Variants in DCAF6 observed in about 807,000 individuals in gnomAD.
DCAF6 encodes the protein DDB1- and CUL4-associated factor 6.
A neutral mutation model predicts 125.1 loss-of-function variants in DCAF6; 54 were observed. The observed-to-expected ratio is 0.43, with a 90% CI of 0.35 to 0.54. DCAF6 has a LOEUF of 0.54. Among genes scored for constraint, DCAF6 ranks in the 20% least tolerant of loss-of-function variants. DCAF6 has a pLI of 0.01. For synonymous variants in DCAF6, 371 were observed against 390.4 expected, an observed-to-expected ratio of 0.95 and a Z score of 0.58; for missense variants, 934 against 1,161.7, an observed-to-expected ratio of 0.80 and a Z score of 2.85.
chr1:167,958,607 A>C (rs1360108791), intron 2 of DCAF6, among the ~76,000 whole-genome samples: 3 of 152,194 alleles, frequency 2.0e-5, no homozygotes. Flanking sequence ...TGAACACTAA[A>C]TAAATTCAAA....
At chr1:168,066,182 A>T (rs946512546) in intron 19 of DCAF6, among the ~76,000 whole-genome samples, 195 bp from the exon 20 acceptor site, 1 of 152,228 alleles carries the variant, frequency 6.6e-6, no homozygotes, top group Non-Finnish European at 1.5e-5. Flanking sequence ...AGTGACTTCA[A>T]CATGGTATTA....
chr1:167,940,405 T>C (rs1364651469), intron 1 of DCAF6, among the ~76,000 whole-genome samples: 1 of 152,012 alleles, frequency 6.6e-6, no homozygotes, highest in Non-Finnish European at 1.5e-5. Context: ...GAGGCAGGGT[T>C]TTGCTCTGTC....
chr1:167,888,986 G>A, the DCAF6 span, among the ~76,000 whole-genome samples: 1,924 of 152,020 alleles, frequency 0.013, 40 homozygotes, highest in African/African-American at 0.044. Context: ...GTTTTTTGGT[G>A]GAGTCTTTAG....
At chr1:168,011,111 A>ATTTTTTTTT (rs370763073) in intron 10 of DCAF6, among the ~76,000 whole-genome samples, 1 of 110,360 alleles carries the variant, frequency 9.1e-6, no homozygotes, top group African/African-American at 3.6e-5. Context: ...GACCATCAGA[A>ATTTTTTTTT]TTTTTTTTTT....
At chr1:167,944,187 T>G (rs1672707003) in intron 1 of DCAF6, among the ~76,000 whole-genome samples, 1 of 152,220 alleles carries the variant, frequency 6.6e-6, no homozygotes, top group Non-Finnish European at 1.5e-5. Flanking sequence ...ATTGTGTATA[T>G]ATACCACATT....
At position 167,991,243 on chromosome 1, in the gene DCAF6, G is replaced by C; in HGVS notation, c.592G>C (p.Ala198Pro). 1 of 1,612,740 alleles carries C rather than the reference G, an allele frequency of 6.2e-7. No individual in the cohort carries two copies. Among genetic ancestry groups the C allele is most frequent in the Non-Finnish European group, 8.5e-7 (1 of 1,179,760 alleles). ...CTGTCGACGTGCTGCCACGTCTGTTGCTATTTGCCCACCAATACCATATTA... is the reference window on the plus strand; with the variant it reads ...CTGTCGACGTGCTGCCACGTCTGTTCCTATTTGCCCACCAATACCATATTA... ...INCRRAATSV[A>P]ICPPIPYYLA... Residue 198 changes from alanine (A) to proline (P), a missense_variant, in exon 6 of 22, where the codon GCT becomes CCT. Around this residue, in one of 5 missense-constraint regions of DCAF6, gnomAD observed 309 missense variants for 381.2 expected, o/e 0.81. Coordinates refer to ENST00000367840, the MANE Select transcript of DCAF6 (RefSeq NM_001198956.2).
the DCAF6 span, chr1:167,920,745 T>C: frequency 1.0e-5 from 10 of 999,380 alleles, no homozygotes; most frequent in South Asian, 2.0e-4. Flanking sequence ...AGCTATAATT[T>C]TAGTGTCCAT....
At chr1:167,907,258 C>T in the DCAF6 span, among the ~76,000 whole-genome samples, 1 of 152,212 alleles carries the variant, frequency 6.6e-6, no homozygotes, top group Non-Finnish European at 1.5e-5. Context: ...CCAGAAAACA[C>T]AGACCAGTAA....
chr1:167,916,043 A>G, the DCAF6 span, among the ~76,000 whole-genome samples: 395 of 143,720 alleles, frequency 2.7e-3, 2 homozygotes, highest in African/African-American at 0.011. Context: ...CAACTCAACT[A>G]TACTAATCGA....
At chr1:168,012,747 A>G (rs536180285) in intron 10 of DCAF6, among the ~76,000 whole-genome samples, 2 of 152,326 alleles carry the variant, frequency 1.3e-5, no homozygotes, top group Middle Eastern at 3.4e-3. Context: ...TCCAAGGAGA[A>G]AAAAGCCACC....
chr1:167,917,593 GTCTC>G, the DCAF6 span: 1 of 113,474 alleles, frequency 8.8e-6, no homozygotes, highest in African/African-American at 3.3e-5. Context: ...GCGAGACCCT[GTCTC>G]AAAAAAAAAA....
chr1:167,958,695 A>G (rs1056821944), intron 2 of DCAF6, among the ~76,000 whole-genome samples: 4 of 152,210 alleles, frequency 2.6e-5, no homozygotes, highest in Non-Finnish European at 5.9e-5. Flanking sequence ...TTACTAAATG[A>G]CAGTCAATAT....
chr1:167,996,904 A>G (rs191739807), intron 7 of DCAF6, among the ~76,000 whole-genome samples: 205 of 152,198 alleles, frequency 1.3e-3, no homozygotes, highest in African/African-American at 4.6e-3. Flanking sequence ...CCTATTTAAA[A>G]TCACGGCCTT....
chr1:168,029,144 A>G (rs533035406), intron 12 of DCAF6, among the ~76,000 whole-genome samples: 12 of 151,944 alleles, frequency 7.9e-5, no homozygotes, highest in Non-Finnish European at 5.9e-5. Flanking sequence ...CGTGTGTTCT[A>G]CTCTTCTGCT....
chr1:167,951,309 T>C lies in DCAF6; in HGVS notation c.98-491T>C, dbSNP rs139414177. Among the ~76,000 whole-genome samples, 983 of 152,304 alleles carry C rather than the reference T, an allele frequency of 6.5e-3. 2 individuals are homozygous for C. Among genetic ancestry groups the C allele is most frequent in the African/African-American group, 0.016 (673 of 41,564 alleles). On this transcript the variant is annotated intron_variant, in intron 1 of 21. Coordinates refer to ENST00000367840, the MANE Select transcript of DCAF6 (RefSeq NM_001198956.2). ...ATAACTACAGGCCGGGCGTGGTGGCTCACACCTGTAATCCTAGCACTTTGG... is the reference window on the plus strand; with the variant it reads ...ATAACTACAGGCCGGGCGTGGTGGCCCACACCTGTAATCCTAGCACTTTGG...
chr1:168,002,402 A>G, intron 7 of DCAF6, 80 bp from the exon 8 acceptor site: 2 of 1,219,512 alleles, frequency 1.6e-6, no homozygotes, highest in East Asian at 2.4e-5. Flanking sequence ...ATGGAAATAA[A>G]TAGACATAAA....
At chr1:168,066,748 A>G (rs1255512466) in intron 20 of DCAF6, among the ~76,000 whole-genome samples, 1 of 152,186 alleles carries the variant, frequency 6.6e-6, no homozygotes, top group Non-Finnish European at 1.5e-5. Flanking sequence ...TGTTATTACA[A>G]TAAAGAATCA....
At chr1:167,903,821 T>C in the DCAF6 span, 7 of 1,199,830 alleles carry the variant, frequency 5.8e-6, no homozygotes, top group African/African-American at 3.0e-5. Context: ...CAGGTTATAA[T>C]TGACAACTAC....
chr1:167,870,299 A>G, the DCAF6 span: 2 of 1,614,100 alleles, frequency 1.2e-6, no homozygotes, highest in South Asian at 2.2e-5. Context: ...TTTCATAAGT[A>G]TCTGGCTTTT....
Sources: gnomAD v4.1 joint callset for allele counts (sites outside exome capture counted in the v4.1 genomes callset) on GRCh38, gnomAD v4.1.1 for gene constraint, gnomAD v4.1.1 regional missense constraint, MANE v1.5 for transcripts, NCBI Gene and HGNC (gene_info 2026-07-23, HGNC 2026-07-21) for gene names.